ABCA13: variants seen among roughly 807,000 people sequenced by gnomAD.
ABCA13 encodes ATP binding cassette subfamily A member 13.
Under a neutral mutation model 478.7 loss-of-function variants are expected in ABCA13, and 476 were observed. The observed-to-expected ratio is 0.99, with a 90% confidence interval of 0.92 to 1.07. The LOEUF (loss-of-function observed/expected upper bound fraction) is 1.07. Ranked by LOEUF, ABCA13 falls within the 50% of genes least tolerant of loss-of-function variation. The pLI is 0.00. For missense variants in ABCA13, 6,060 were observed against 5,910.6 expected, an observed-to-expected ratio of 1.03 and a Z score of -0.83; for synonymous variants, 2,252 against 2,158.9, an observed-to-expected ratio of 1.04 and a Z score of -1.20.
intron 1 of ABCA13, among the ~76,000 whole-genome samples, chr7:48,175,253 CAGAT>C (rs1289923456): frequency 6.6e-6 from 1 of 151,896 alleles, no homozygotes; most frequent in Admixed American, 6.6e-5. Flanking sequence ...TTTAAATTGA[CAGAT>C]AATAATTGCA....
In ABCA13 at chr7:48,392,139, A is replaced by C. The variant is rs1349122613; in HGVS notation, c.11873A>C (p.Gln3958Pro). 1.2e-6 allele frequency: 2 copies of C among 1,613,568 alleles called. No individual in the cohort carries two copies. The highest frequency in any genetic ancestry group is 1.7e-6 in the Non-Finnish European group (2 of 1,179,778). ...AAGGAGCTGCATCAGCAAGTCAATC[A>C]GTTAGTAAACAGTTGTCTCTCTGCT... Reference protein sequence around the residue: ...TKKELHQQVNQTLQDVDLTQH... With the variant: ...TKKELHQQVNPTLQDVDLTQH... Residue 3958 changes from glutamine to proline, a missense_variant and splice_region_variant, in exon 38 of 62, where the codon CAA becomes CCA. Around this residue, in one of 3 missense-constraint regions of ABCA13, gnomAD observed 1,627 missense variants for 1,571.0 expected, o/e 1.04. Transcript: ENST00000435803.
intron 15 of ABCA13, 112 bp downstream of exon 15, chr7:48,249,463 G>T: frequency 7.3e-7 from 1 of 1,367,216 alleles, no homozygotes; most frequent in Non-Finnish European, 1.0e-6. Flanking sequence ...AAAATGGGTG[G>T]CTCTCCAAGC....
chr7:48,462,089 G>T (rs1316264263), intron 43 of ABCA13, among the ~76,000 whole-genome samples: 1 of 152,148 alleles, frequency 6.6e-6, no homozygotes, highest in African/African-American at 2.4e-5. Flanking sequence ...GAGATAACAG[G>T]TGTTTTCCAG....
intron 18 of ABCA13, 32 bp from the exon 19 acceptor site, chr7:48,281,311 T>G: frequency 6.5e-7 from 1 of 1,550,110 alleles, no homozygotes; most frequent in East Asian, 2.4e-5. Context: ...ATTTTTACCC[T>G]TTTATGTCAT....
intron 59 of ABCA13, among the ~76,000 whole-genome samples, chr7:48,619,101 T>C (rs1792880536): frequency 6.6e-6 from 1 of 152,226 alleles, no homozygotes; most frequent in African/African-American, 2.4e-5. Flanking sequence ...GCTCTGGCTG[T>C]GCCAAGGGTT....
chr7:48,261,617 A>G (rs548864425), intron 15 of ABCA13, among the ~76,000 whole-genome samples: 1 of 150,158 alleles, frequency 6.7e-6, no homozygotes, highest in African/African-American at 2.5e-5. Flanking sequence ...GATTTTTTAA[A>G]TCATATTTTT....
chr7:48,207,437 T>C (rs1169425168), intron 3 of ABCA13, among the ~76,000 whole-genome samples: 14 of 152,250 alleles, frequency 9.2e-5, no homozygotes, highest in African/African-American at 2.6e-4. Context: ...AGAGTTCCTT[T>C]TTCCCAACCC....
intron 27 of ABCA13, among the ~76,000 whole-genome samples, chr7:48,333,799 G>T (rs182960635): frequency 6.6e-6 from 1 of 152,302 alleles, no homozygotes; most frequent in East Asian, 1.9e-4. Flanking sequence ...CTTCTTAGGA[G>T]CCCAGGTCTT....
intron 31 of ABCA13, among the ~76,000 whole-genome samples, chr7:48,353,875 C>CT (rs1345444105): frequency 5.3e-5 from 8 of 152,010 alleles, no homozygotes; most frequent in Admixed American, 5.2e-4. Context: ...GTTAGGCAGA[C>CT]TGTTAGTAAG....
intron 58 of ABCA13, among the ~76,000 whole-genome samples, chr7:48,597,919 T>TGGG (rs2131459697): frequency 6.6e-6 from 1 of 152,282 alleles, no homozygotes; most frequent in South Asian, 2.1e-4. Context: ...AGTGATACAT[T>TGGG]TATTAAAATT....
intron 7 of ABCA13, 117 bp downstream of exon 7, chr7:48,230,072 A>C (rs1788820904): frequency 7.9e-7 from 1 of 1,261,202 alleles, no homozygotes; most frequent in Non-Finnish European, 1.0e-6. Context: ...TTTCAAATTC[A>C]AAAAAGTATG....
rs73339695 is a variant in ABCA13 at position 48,208,335 on chromosome 7, A to G, written c.287+9975A>G. ...AAAAATGAATTTTTTTTCTATTTCT[A>G]TGAAGAACATCTTTGGTATTTTCAT... is the stretch of plus-strand genomic sequence containing the variant. On this transcript the variant is annotated intron_variant, in intron 3 of 61. Transcript: ENST00000435803. Among the ~76,000 whole-genome samples, 1,466 of 152,104 alleles carry G rather than the reference A, an allele frequency of 9.6e-3. 11 individuals are homozygous for G. Among genetic ancestry groups the G allele is most frequent in the African/African-American group, 0.011 (449 of 41,548 alleles).
At position 48,617,202 on chromosome 7, in the gene ABCA13, A is replaced by G. The variant is rs11981406; in HGVS notation, c.14837+1825A>G. 5.1e-3 allele frequency among the ~76,000 whole-genome samples: 784 copies of G among 152,350 alleles called. 5 individuals are homozygous for G. Among genetic ancestry groups the G allele is most frequent in the African/African-American group, 0.018 (739 of 41,582 alleles). On this transcript the variant is annotated intron_variant, in intron 59 of 61. Coordinates refer to ENST00000435803, the MANE Select transcript of ABCA13 (RefSeq NM_152701.5). The stretch of plus-strand genomic sequence containing the variant: ...AGATTTTTCATAAACTTCGGCATCC[A>G]TACCTGGGAGTTAGCAACATCAGAA...
At chr7:48,277,084 T>G (rs1442012868) in intron 17 of ABCA13, among the ~76,000 whole-genome samples, 7 of 152,226 alleles carry the variant, frequency 4.6e-5, no homozygotes, top group African/African-American at 1.7e-4. Context: ...AATTCCAATT[T>G]ATTCCATGAT....
At chr7:48,250,324 T>C (rs56183921) in intron 15 of ABCA13, among the ~76,000 whole-genome samples, 6,559 of 152,226 alleles carry the variant, frequency 0.043, 197 homozygotes, top group Middle Eastern at 0.061. Flanking sequence ...ATTAAATCAC[T>C]GGACATTAGT....
chr7:48,555,244 GT>G (rs1424767957), intron 55 of ABCA13, among the ~76,000 whole-genome samples: 1 of 151,738 alleles, frequency 6.6e-6, no homozygotes, highest in Non-Finnish European at 1.5e-5. Flanking sequence ...CTTGTATGTT[GT>G]TGAGGATTTT....
intron 58 of ABCA13, among the ~76,000 whole-genome samples, chr7:48,595,346 T>TA (rs1790172925): frequency 6.6e-6 from 1 of 152,262 alleles, no homozygotes; most frequent in Admixed American, 6.5e-5. Flanking sequence ...ATAGATTTCA[T>TA]AAAACCTACT....
Position 48,225,130 on chromosome 7 carries a change from TGCC to T in ABCA13, c.469-2131_469-2129del, listed in dbSNP as rs1231706301. Among the ~76,000 whole-genome samples, 430 of 117,320 alleles carry T rather than the reference TGCC, an allele frequency of 3.7e-3. 2 individuals carry two copies. Among genetic ancestry groups the T allele is most frequent in the Middle Eastern group, 0.011 (3 of 262 alleles). The allele number at this position is 117,320 out of a possible 152,430, so 77.0% of individuals were successfully genotyped here. ...GTGCGTGCCTGCCTGCCTGCCTGCCTGCCTGCCTTCCTTCCTTCCTTCCTTCCT... is the reference window on the plus strand; with the variant it reads ...GTGCGTGCCTGCCTGCCTGCCTGCCTTGCCTTCCTTCCTTCCTTCCTTCCT... On this transcript the variant is annotated intron_variant, in intron 5 of 61. Transcript: ENST00000435803.
chr7:48,596,483 T>TC (rs1265183862), intron 58 of ABCA13, among the ~76,000 whole-genome samples: 3 of 152,172 alleles, frequency 2.0e-5, no homozygotes, highest in Non-Finnish European at 2.9e-5. Flanking sequence ...TTGGGTCACC[T>TC]CCCCCAAATT....
Sources: allele counts gnomAD v4.1 joint callset (sites outside exome capture counted in the v4.1 genomes callset), GRCh38; gene constraint gnomAD v4.1.1; regional missense constraint gnomAD v4.1.1; transcripts MANE v1.5; gene names NCBI Gene and HGNC (gene_info 2026-07-23, HGNC 2026-07-21).